PHLDB2: variants seen among roughly 807,000 people sequenced by gnomAD.
PHLDB2 encodes pleckstrin homology-like domain family B member 2.
PHLDB2 carries 71 observed loss-of-function variants against 123.6 expected under a neutral mutation model. The observed-to-expected ratio is 0.57, with a 90% CI of 0.47 to 0.70. PHLDB2 has a LOEUF of 0.70. PHLDB2 is among the 30% of genes least tolerant of loss of function. PHLDB2 has a pLI of 0.00. For synonymous variants in PHLDB2, 547 were observed against 541.6 expected, an observed-to-expected ratio of 1.01 and a Z score of -0.14; for missense variants, 1,446 against 1,519.5, an observed-to-expected ratio of 0.95 and a Z score of 0.80.
intron 6 of PHLDB2, among the ~76,000 whole-genome samples, chr3:111,938,797 T>TC (rs2069670784): frequency 6.9e-6 from 1 of 145,176 alleles, no homozygotes; most frequent in East Asian, 2.0e-4. Context: ...TCCTTTCCTT[T>TC]CTTTCTTTTT....
At chr3:111,779,530 G>C (rs1232586602) in intron 1 of PHLDB2, among the ~76,000 whole-genome samples, 1 of 151,966 alleles carries the variant, frequency 6.6e-6, no homozygotes, top group African/African-American at 2.4e-5. Context: ...TGTTTCTCCT[G>C]TTCTCTTAGG....
intron 12 of PHLDB2, among the ~76,000 whole-genome samples, chr3:111,959,275 G>C (rs2071244995): frequency 6.6e-6 from 1 of 152,256 alleles, no homozygotes; most frequent in Non-Finnish European, 1.5e-5. Context: ...ATAATTGCAG[G>C]GGTTACCTGT....
intron 1 of PHLDB2, among the ~76,000 whole-genome samples, chr3:111,774,533 T>G (rs1156867510): frequency 6.6e-6 from 1 of 152,144 alleles, no homozygotes; most frequent in Non-Finnish European, 1.5e-5. Context: ...ATGTAAGACA[T>G]GCAGAGTCCT....
At chr3:111,817,242 G>A (rs1223505688) in intron 1 of PHLDB2, among the ~76,000 whole-genome samples, 8 of 152,226 alleles carry the variant, frequency 5.3e-5, no homozygotes, top group African/African-American at 1.4e-4. Context: ...CTCTCACTAT[G>A]CCCCACCTCC....
intron 10 of PHLDB2, among the ~76,000 whole-genome samples, chr3:111,950,337 A>T (rs1459781950): frequency 6.6e-6 from 1 of 152,180 alleles, no homozygotes; most frequent in Non-Finnish European, 1.5e-5. Context: ...TCCCTTAATC[A>T]GAGTACCTTT....
chr3:111,857,688 C>T (rs977233564), upstream of PHLDB2, among the ~76,000 whole-genome samples: 1 of 152,022 alleles, frequency 6.6e-6, no homozygotes, highest in African/African-American at 2.4e-5. Flanking sequence ...GCATTCCTAA[C>T]AAACATATGA....
chr3:111,856,819 G>T (rs1232566108), upstream of PHLDB2, among the ~76,000 whole-genome samples: 1 of 152,174 alleles, frequency 6.6e-6, no homozygotes, highest in Non-Finnish European at 1.5e-5. Flanking sequence ...CTCTCTGCCT[G>T]CCTGCCTTAC....
chr3:111,801,204 A>G (rs1321415332), intron 1 of PHLDB2, among the ~76,000 whole-genome samples: 2 of 152,196 alleles, frequency 1.3e-5, no homozygotes, highest in South Asian at 2.1e-4. Context: ...TTCAAAAGTT[A>G]TTAAGAATTT....
At chr3:111,764,151 GGA>G (rs974187132) in intron 1 of PHLDB2, among the ~76,000 whole-genome samples, 3 of 152,148 alleles carry the variant, frequency 2.0e-5, no homozygotes, top group Non-Finnish European at 4.4e-5. Flanking sequence ...TTTATAAAAT[GGA>G]GATAGTAACA....
At chr3:111,813,330 T>C (rs1013315682) in intron 1 of PHLDB2, among the ~76,000 whole-genome samples, 1 of 152,202 alleles carries the variant, frequency 6.6e-6, no homozygotes, top group Non-Finnish European at 1.5e-5. Flanking sequence ...ATGTACAATA[T>C]ATTTTGGAGG....
chr3:111,815,988 G>A (rs1243155824), intron 1 of PHLDB2, among the ~76,000 whole-genome samples: 3 of 152,212 alleles, frequency 2.0e-5, no homozygotes, highest in Non-Finnish European at 1.5e-5. Context: ...CTTGGGCCAT[G>A]GCTTCAGAGG....
chr3:111,890,629 G>C (rs34280973), intron 2 of PHLDB2, among the ~76,000 whole-genome samples: 9,090 of 152,126 alleles, frequency 0.06, 348 homozygotes, highest in Non-Finnish European at 0.079. Flanking sequence ...ATATTTTTAG[G>C]TCTGCTGTGA....
At chr3:111,911,743 TA>T in intron 2 of PHLDB2, 1 of 1,521,624 alleles carries the variant, frequency 6.6e-7, no homozygotes, top group Non-Finnish European at 8.8e-7. Context: ...TTGTAGGAAC[TA>T]GTTTATTAGT....
intron 2 of PHLDB2, among the ~76,000 whole-genome samples, chr3:111,903,803 C>T (rs935712402): frequency 2.0e-5 from 3 of 152,294 alleles, no homozygotes; most frequent in African/African-American, 7.2e-5. Flanking sequence ...TTACTGAATT[C>T]TTCCAAGATC....
chr3:111,903,691 G>A (rs183354296), intron 2 of PHLDB2, among the ~76,000 whole-genome samples: 6 of 152,198 alleles, frequency 3.9e-5, no homozygotes, highest in East Asian at 1.9e-4. Flanking sequence ...GACAGAAACC[G>A]TCCTAACCAT....
At chr3:111,780,328 GAAGAAGAAGAAGAAGAAGAAGAAGAA>G (rs2060380467) in intron 1 of PHLDB2, among the ~76,000 whole-genome samples, 20 of 11,612 alleles carry the variant, frequency 1.7e-3, no homozygotes, top group African/African-American at 2.6e-3. Context: ...AGAGGAAGAA[GAAGAAGAAGAAGAAGAAGAAGAAGAA>G]GAAGAAGAAG....
intron 1 of PHLDB2, among the ~76,000 whole-genome samples, chr3:111,836,217 T>A (rs1250517306): frequency 1.3e-5 from 2 of 152,168 alleles, no homozygotes; most frequent in Non-Finnish European, 2.9e-5. Flanking sequence ...AAAGTGGCCA[T>A]GATGAAGCAT....
intron 2 of PHLDB2, among the ~76,000 whole-genome samples, chr3:111,892,055 T>C (rs962486731): frequency 7.2e-5 from 11 of 152,190 alleles, no homozygotes; most frequent in African/African-American, 2.7e-4. Flanking sequence ...ATTGTTGCCA[T>C]TTAGAACTAT....
intron 1 of PHLDB2, among the ~76,000 whole-genome samples, chr3:111,747,836 T>A (rs551054653): frequency 1.2e-4 from 18 of 152,348 alleles, no homozygotes; most frequent in Admixed American, 4.6e-4. Flanking sequence ...GTATAACTAA[T>A]CTCAAATGTT....
Sources: allele counts gnomAD v4.1 joint callset (sites outside exome capture counted in the v4.1 genomes callset), GRCh38; gene constraint gnomAD v4.1.1; transcripts MANE v1.5; gene names NCBI Gene and HGNC (gene_info 2026-07-23, HGNC 2026-07-21).